The following ANXA11 variants were observed in gnomAD, a reference collection of about 807,000 sequenced individuals.
ANXA11 encodes the protein 56 kDa autoantigen.
Under a neutral mutation model 64.7 loss-of-function variants are expected in ANXA11, and 57 were observed. That is an observed-to-expected ratio of 0.88 (90% confidence interval 0.71 to 1.10). The LOEUF is 1.10. Among genes scored for constraint, ANXA11 ranks in the 50% least tolerant of loss-of-function variants. The pLI, the probability that ANXA11 is intolerant of heterozygous loss-of-function variation, is 0.00. For missense variants in ANXA11, 675 were observed against 670.7 expected (o/e 1.01, Z -0.07); for synonymous variants, 260 against 265.2 (o/e 0.98, Z 0.19).
chr10:80,183,631 G>A (rs1439606753), intron 1 of ANXA11, among the ~76,000 whole-genome samples: 1 of 152,222 alleles, frequency 6.6e-6, no homozygotes, highest in East Asian at 1.9e-4. Flanking sequence ...TCACAGTGCT[G>A]CATTGCAAAA....
chr10:80,169,299 G>C lies in ANXA11; in HGVS notation c.231C>G (p.Ala77=). 1 of 1,611,190 alleles carries C rather than the reference G, an allele frequency of 6.2e-7. No homozygotes were observed. The highest frequency in any genetic ancestry group is 8.5e-7 in the Non-Finnish European group (1 of 1,179,792). ...GCACTGGTGGGTAGCCAGCCCCAGG[G>C]GCCCCAGGGTACAGGTTGGGCATGT... ...GANMPNLYPG[A]PGAGYPPVPP... The change falls in exon 5 of 16, where the codon GCC becomes GCG. Residue 77 remains alanine (A), a synonymous_variant. Coordinates refer to ENST00000422982, the MANE Select transcript of ANXA11 (RefSeq NM_145868.2).
chr10:80,187,787 T>C (rs972122632), intron 1 of ANXA11, among the ~76,000 whole-genome samples: 1 of 152,126 alleles, frequency 6.6e-6, no homozygotes, highest in Non-Finnish European at 1.5e-5. Flanking sequence ...TGATGTCAAT[T>C]GGGCACAAGT....
chr10:80,192,360 G>A (rs1480032243), intron 1 of ANXA11, among the ~76,000 whole-genome samples: 2 of 152,072 alleles, frequency 1.3e-5, no homozygotes, highest in Admixed American at 1.3e-4. Context: ...GGACATCTGA[G>A]AAAGTCTACA....
At chr10:80,193,811 C>CAA (rs546354623) in intron 1 of ANXA11, among the ~76,000 whole-genome samples, 16,946 of 114,136 alleles carry the variant, frequency 0.15, 1,412 homozygotes, top group African/African-American at 0.24. Context: ...GACTCTGTCT[C>CAA]AAAAAAAAAA....
At chr10:80,199,255 G>A (rs1347744586) in intron 1 of ANXA11, among the ~76,000 whole-genome samples, 2 of 151,864 alleles carry the variant, frequency 1.3e-5, no homozygotes, top group Non-Finnish European at 2.9e-5. Flanking sequence ...CCGCTACCAC[G>A]CCTGGATAAT....
rs544582016 is a variant in ANXA11, at chr10:80,174,703, G to A, written c.-9+1404C>T. On this transcript the variant is annotated intron_variant, in intron 2 of 15. Transcript: ENST00000422982. ...TCTTGTGCCTCAGCCTCCAACAGGA[G>A]GGCGCAACCATCCCTGGCTAATTTT... Among the ~76,000 whole-genome samples, 106 of 152,182 alleles carry A rather than the reference G, an allele frequency of 7.0e-4. 1 individual carries two copies. Among genetic ancestry groups the A allele is most frequent in the Middle Eastern group, 3.4e-3 (1 of 294 alleles).
rs572793440 is a variant in ANXA11 at position 80,157,439 on chromosome 10, G to A, written c.1458+202C>T. On this transcript the variant is annotated intron_variant, in intron 15 of 15. Transcript: ENST00000422982. ...GATGCTGCTGGGGGATGCAAGGTGG[G>A]GGCGACAGCAAGGTCATGATCCACC... 1.2e-5 allele frequency: 12 copies of A among 985,374 alleles called. No individual in the cohort carries two copies. The African/African-American group carries it at 1.7e-4, about 14-fold the overall frequency. 61.0% of individuals were successfully genotyped at this position (985,374 alleles called of 1,614,324 possible).
Position 80,152,116 on chromosome 10 carries a change from C to G in ANXA11, c.*3737G>C, listed in dbSNP as rs1845167740. Reference sequence around the variant, plus strand: ...AGTGTTTCCTCCAGCGCCCCCACAGCTGCTGAAAATTCTCTCAGGGCTGAA... The same window carrying G: ...AGTGTTTCCTCCAGCGCCCCCACAGGTGCTGAAAATTCTCTCAGGGCTGAA... On this transcript the variant is annotated 3_prime_UTR_variant, in exon 16 of 16. Coordinates refer to ENST00000422982, the MANE Select transcript of ANXA11 (RefSeq NM_145868.2). 6.6e-6 allele frequency: 1 copy of G among 152,200 alleles called. No homozygotes were observed. Among genetic ancestry groups the G allele is most frequent in the Non-Finnish European group, 1.5e-5 (1 of 68,036 alleles). The allele number at this position is 152,200 out of a possible 1,614,324, so 9.4% of individuals were successfully genotyped here.
intron 8 of ANXA11, 26 bp from the exon 9 acceptor site, chr10:80,164,169 C>T: frequency 6.3e-7 from 1 of 1,590,268 alleles, no homozygotes; most frequent in Non-Finnish European, 8.6e-7. Context: ...ATACAACCAA[C>T]CATGTGCTTG....
At chr10:80,193,505 A>G (rs1257387610) in intron 1 of ANXA11, among the ~76,000 whole-genome samples, 2 of 152,158 alleles carry the variant, frequency 1.3e-5, no homozygotes, top group African/African-American at 2.4e-5. Context: ...ATGAATTATA[A>G]AGCACAATAA....
intron 6 of ANXA11, 79 bp from the exon 7 acceptor site, chr10:80,167,063 C>T (rs1845774343): frequency 3.7e-6 from 5 of 1,350,092 alleles, no homozygotes; most frequent in Non-Finnish European, 5.2e-6. Context: ...GGCCTGGGCC[C>T]CTCAACTGTT....
intron 1 of ANXA11, among the ~76,000 whole-genome samples, chr10:80,189,225 G>A (rs1053504039): frequency 2.6e-5 from 4 of 152,172 alleles, no homozygotes; most frequent in African/African-American, 9.7e-5. Flanking sequence ...GAATAAGAAG[G>A]ACAGAGTCCA....
intron 1 of ANXA11, among the ~76,000 whole-genome samples, chr10:80,186,475 T>G (rs1011186297): frequency 1.3e-5 from 2 of 151,976 alleles, no homozygotes; most frequent in African/African-American, 4.8e-5. Flanking sequence ...TGCCTGGGTG[T>G]ATGGGGGCCT....
At chr10:80,203,372 A>G (rs1589460412) in intron 1 of ANXA11, among the ~76,000 whole-genome samples, 1 of 152,124 alleles carries the variant, frequency 6.6e-6, no homozygotes, top group Admixed American at 6.5e-5. Flanking sequence ...AGTATCATGC[A>G]TAAAGGCGTC....
chr10:80,194,891 T>C (rs1199683553), intron 1 of ANXA11, among the ~76,000 whole-genome samples: 1 of 152,174 alleles, frequency 6.6e-6, no homozygotes, highest in Non-Finnish European at 1.5e-5. Context: ...CGCACCTCCC[T>C]CCCTCCTTCA....
chr10:80,176,403 T>C (rs1846170082), intron 1 of ANXA11, among the ~76,000 whole-genome samples: 1 of 152,348 alleles, frequency 6.6e-6, no homozygotes, highest in East Asian at 1.9e-4. Flanking sequence ...AAGTGGTTCC[T>C]GAGTGTAGAC....
intron 1 of ANXA11, among the ~76,000 whole-genome samples, chr10:80,201,068 C>CT (rs2132510335): frequency 6.6e-6 from 1 of 152,270 alleles, no homozygotes; most frequent in Admixed American, 6.5e-5. Context: ...TCCTCTTCGC[C>CT]TTCAAAGCCA....
intron 8 of ANXA11, among the ~76,000 whole-genome samples, chr10:80,165,084 C>T (rs566962507): frequency 3.9e-5 from 6 of 152,332 alleles, no homozygotes; most frequent in African/African-American, 1.2e-4. Context: ...CGGCTGAAGA[C>T]GGGGGCCAGG....
intron 2 of ANXA11, among the ~76,000 whole-genome samples, chr10:80,173,541 AG>A (rs1221582495): frequency 6.6e-6 from 1 of 152,210 alleles, no homozygotes; most frequent in Non-Finnish European, 1.5e-5. Context: ...TCAGTAAGGG[AG>A]GAAGAGCAGC....
Sources: allele counts gnomAD v4.1 joint callset (sites outside exome capture counted in the v4.1 genomes callset), GRCh38; gene constraint gnomAD v4.1.1; transcripts MANE v1.5; gene names NCBI Gene and HGNC (gene_info 2026-07-23, HGNC 2026-07-21).